The following PCP4 variants were observed in gnomAD, a reference collection of about 807,000 sequenced individuals.
PCP4 encodes the protein calmodulin regulator protein PCP4.
In PCP4, 8 loss-of-function variants were observed where a neutral mutation model predicts 10.0. That is an observed-to-expected ratio of 0.80 (90% CI 0.47 to 1.45). The LOEUF (loss-of-function observed/expected upper bound fraction) is 1.45. Among genes scored for constraint, PCP4 ranks in the 40% most tolerant of loss-of-function variants. PCP4 has a pLI of 0.00. For synonymous variants in PCP4, 21 were observed against 23.0 expected, an observed-to-expected ratio of 0.91 and a Z score of 0.24; for missense variants, 54 against 74.4, an observed-to-expected ratio of 0.73 and a Z score of 1.01.
intron 1 of PCP4, 89 bp from the exon 2 acceptor site, chr21:39,898,387 C>T (rs771767175): frequency 6.9e-6 from 7 of 1,017,646 alleles, no homozygotes; most frequent in Non-Finnish European, 1.1e-5. Context: ...TGATATAATG[C>T]AAGAGATGTT....
intron 2 of PCP4, among the ~76,000 whole-genome samples, chr21:39,919,059 A>G (rs1037190254): frequency 2.0e-5 from 3 of 152,162 alleles, no homozygotes; most frequent in East Asian, 1.9e-4. Flanking sequence ...TTCTCTGAGT[A>G]TATCTTGATC....
At chr21:39,871,112 CAG>C (rs1681335001) in intron 1 of PCP4, among the ~76,000 whole-genome samples, 1 of 152,134 alleles carries the variant, frequency 6.6e-6, no homozygotes. Flanking sequence ...TTTTTCTTGA[CAG>C]AGATTGCAAA....
At chr21:39,894,246 A>T (rs2087446911) in intron 1 of PCP4, among the ~76,000 whole-genome samples, 1 of 152,110 alleles carries the variant, frequency 6.6e-6, no homozygotes, top group Non-Finnish European at 1.5e-5. Context: ...TTTTTCCTCT[A>T]CTACCCCTCT....
At chr21:39,927,302 CTATCT>C (rs1477309546) in intron 2 of PCP4, among the ~76,000 whole-genome samples, 1 of 118,594 alleles carries the variant, frequency 8.4e-6, no homozygotes, top group Non-Finnish European at 1.9e-5. Context: ...ATCTATCTAT[CTATCT>C]ATCTATCTAT....
chr21:39,896,637 C>T (rs913497617), intron 1 of PCP4, among the ~76,000 whole-genome samples: 8 of 152,148 alleles, frequency 5.3e-5, no homozygotes, highest in African/African-American at 1.9e-4. Context: ...GGGTTATTGT[C>T]TGCATAATGC....
At chr21:39,875,369 G>A (rs1185585073) in intron 1 of PCP4, among the ~76,000 whole-genome samples, 1 of 152,076 alleles carries the variant, frequency 6.6e-6, no homozygotes, top group Non-Finnish European at 1.5e-5. Context: ...TCATCTCTGA[G>A]GGGTGACAGC....
intron 1 of PCP4, among the ~76,000 whole-genome samples, chr21:39,872,834 T>C (rs1004072421): frequency 5.9e-5 from 9 of 152,244 alleles, no homozygotes; most frequent in African/African-American, 1.9e-4. Context: ...TTGGGAAAGT[T>C]GTATTCCATC....
intron 1 of PCP4, among the ~76,000 whole-genome samples, chr21:39,870,401 G>A (rs73371261): frequency 0.016 from 2,473 of 152,310 alleles, 68 homozygotes; most frequent in African/African-American, 0.056. Context: ...GGAAGAGAAT[G>A]TAGCAGGGAT....
intron 2 of PCP4, among the ~76,000 whole-genome samples, chr21:39,905,787 G>A (rs980987834): frequency 4.6e-5 from 7 of 152,286 alleles, no homozygotes; most frequent in African/African-American, 1.7e-4. Flanking sequence ...GGTGGATCAT[G>A]TCTGTAATCC....
chr21:39,911,968 C>G lies in PCP4; in HGVS notation c.61+13441C>G, dbSNP rs1045230826. Among the ~76,000 whole-genome samples the G allele has an allele frequency of 4.6e-5, 7 of 152,344 alleles. No individual in the cohort carries two copies. In the East Asian group the frequency reaches 5.8e-4, roughly 13 times the overall value. On this transcript the variant is annotated intron_variant, in intron 2 of 2. Transcript: ENST00000328619. ...GCTAGAAACGGCCTATTAGGTCACCCCGGCCATTCACAGCTGGTGAAATAT... is the reference window on the plus strand; with the variant it reads ...GCTAGAAACGGCCTATTAGGTCACCGCGGCCATTCACAGCTGGTGAAATAT...
chr21:39,868,735 G>A (rs1202845982), intron 1 of PCP4, among the ~76,000 whole-genome samples: 3 of 152,320 alleles, frequency 2.0e-5, no homozygotes, highest in Middle Eastern at 3.4e-3. Flanking sequence ...GGACACTGAG[G>A]CACAGAGATG....
chr21:39,905,920 G>T (rs2299765), intron 2 of PCP4, among the ~76,000 whole-genome samples: 31,017 of 152,040 alleles, frequency 0.2, 3,148 homozygotes, highest in Admixed American at 0.24. Context: ...TGTGGTGGTG[G>T]CTGCCTGTAG....
At chr21:39,901,583 A>G (rs1343798516) in intron 2 of PCP4, among the ~76,000 whole-genome samples, 1 of 152,226 alleles carries the variant, frequency 6.6e-6, no homozygotes, top group African/African-American at 2.4e-5. Flanking sequence ...ACCAGTCCAC[A>G]CCAGTGGAAA....
chr21:39,880,691 G>A lies in PCP4; in HGVS notation c.9+13181G>A, dbSNP rs184189255. The stretch of plus-strand genomic sequence containing the variant: ...TCTTCTTCCTGAGTATGTCCGGAGG[G>A]AACAGAATGCAGACGTACTAGGCTT... On this transcript the variant is annotated intron_variant, in intron 1 of 2. Transcript: ENST00000328619. Among the ~76,000 whole-genome samples the A allele has an allele frequency of 5.5e-3, 844 of 152,282 alleles. 5 individuals are homozygous for A. Among genetic ancestry groups the A allele is most frequent in the Admixed American group, 9.6e-3 (147 of 15,298 alleles).
chr21:39,898,599 A>C, intron 2 of PCP4, 72 bp downstream of exon 2: 2 of 1,152,110 alleles, frequency 1.7e-6, no homozygotes, highest in Middle Eastern at 2.0e-4. Flanking sequence ...GCAGGTGCGG[A>C]TCATACATCC....
rs543560128 is a variant in PCP4, at chr21:39,916,587, A to G, written c.62-12397A>G. Among the ~76,000 whole-genome samples, 101 of 152,308 alleles carry G rather than the reference A, an allele frequency of 6.6e-4. 1 individual carries two copies. Among genetic ancestry groups the G allele is most frequent in the African/African-American group, 2.3e-3 (97 of 41,562 alleles). Reference sequence around the variant, plus strand: ...TCAAAGATCTAGAAGCAGAAATACCATTTGACCCAGCAATCCCATTATTGG... The same window carrying G: ...TCAAAGATCTAGAAGCAGAAATACCGTTTGACCCAGCAATCCCATTATTGG... On this transcript the variant is annotated intron_variant, in intron 2 of 2. Coordinates refer to ENST00000328619, the MANE Select transcript of PCP4 (RefSeq NM_006198.3).
chr21:39,885,332 C>A (rs2087395122), intron 1 of PCP4, among the ~76,000 whole-genome samples: 1 of 152,216 alleles, frequency 6.6e-6, no homozygotes, highest in Non-Finnish European at 1.5e-5. Flanking sequence ...TGCTAAGAAG[C>A]AACGAGCCTG....
chr21:39,871,286 C>T (rs751702323), intron 1 of PCP4, among the ~76,000 whole-genome samples: 63 of 152,162 alleles, frequency 4.1e-4, no homozygotes, highest in Non-Finnish European at 3.4e-4. Flanking sequence ...AAGGTTAAAA[C>T]GAAACAGATC....
intron 2 of PCP4, 120 bp downstream of exon 2, chr21:39,898,647 C>T: frequency 1.4e-6 from 1 of 728,290 alleles, no homozygotes; most frequent in Non-Finnish European, 2.3e-6. Flanking sequence ...TGCGCTTCAG[C>T]TTACAGAGGA....
Sources: gnomAD v4.1 joint callset for allele counts (sites outside exome capture counted in the v4.1 genomes callset) on GRCh38, gnomAD v4.1.1 for gene constraint, MANE v1.5 for transcripts, NCBI Gene and HGNC (gene_info 2026-07-23, HGNC 2026-07-21) for gene names.